ATP7B: variants seen among roughly 807,000 people sequenced by gnomAD.
The protein encoded by ATP7B is copper-transporting ATPase 2.
Under a neutral mutation model 118.9 loss-of-function variants are expected in ATP7B, and 113 were observed. The observed-to-expected ratio is 0.95, with a 90% CI of 0.82 to 1.11. The LOEUF (loss-of-function observed/expected upper bound fraction) is 1.11. Ranked by LOEUF, ATP7B falls within the 50% of genes most tolerant of loss-of-function variation. ATP7B has a pLI of 0.00. For missense variants in ATP7B, 1,867 were observed against 1,871.4 expected (o/e 1.00, Z 0.04); for synonymous variants, 777 against 727.4 (o/e 1.07, Z -1.10).
At chr13:52,006,184 G>A (rs755659776) in intron 1 of ATP7B, among the ~76,000 whole-genome samples, 46 of 152,090 alleles carry the variant, frequency 3.0e-4, no homozygotes, top group Non-Finnish European at 4.9e-4. Flanking sequence ...TAAATTCGTG[G>A]GTAAATCTTT....
chr13:51,945,226 G>T (rs1299306591), intron 13 of ATP7B, among the ~76,000 whole-genome samples: 1 of 152,154 alleles, frequency 6.6e-6, no homozygotes, highest in Non-Finnish European at 1.5e-5. Flanking sequence ...TGGCTTCTAG[G>T]CTAACGTTCA....
rs1005310173 is a variant in ATP7B, at chr13:51,974,879, T to C, written c.341A>G (p.His114Arg). 1.9e-6 allele frequency: 3 copies of C among 1,614,132 alleles called. No homozygotes were observed. The highest frequency in any genetic ancestry group is 1.6e-4 in the Middle Eastern group (1 of 6,084). The part of the protein sequence containing the change: ...PSVVCLQQVC[H>R]QIGDMGFEAS... ...CTCGAAGCCCATGTCCCCAATTTGATGGCAAACCTGTTGCAGGCACACAAC... is the reference window on the plus strand; with the variant it reads ...CTCGAAGCCCATGTCCCCAATTTGACGGCAAACCTGTTGCAGGCACACAAC... The change falls in exon 2 of 21, where the codon CAT becomes CGT. Residue 114 changes from histidine (H) to arginine (R), a missense_variant. His to Arg is a conservative substitution (Grantham distance 29). Transcript: ENST00000242839.
At chr13:51,951,634 T>C (rs1958014622) in intron 9 of ATP7B, among the ~76,000 whole-genome samples, 1 of 151,944 alleles carries the variant, frequency 6.6e-6, no homozygotes, top group South Asian at 2.1e-4. Context: ...CACTCCACTA[T>C]CTGAAAGCTG....
intron 5 of ATP7B, among the ~76,000 whole-genome samples, chr13:51,962,432 T>C (rs1029600921): frequency 2.6e-5 from 4 of 152,212 alleles, no homozygotes; most frequent in African/African-American, 9.6e-5. Context: ...GCTCACAGTT[T>C]AACTCAAGCG....
chr13:51,967,591 C>A (rs1951626456), intron 4 of ATP7B, among the ~76,000 whole-genome samples: 1 of 152,224 alleles, frequency 6.6e-6, no homozygotes, highest in Admixed American at 6.5e-5. Flanking sequence ...CCTACCACAG[C>A]AAAGGGTTTG....
At chr13:51,959,230 T>C (rs151190034) in intron 7 of ATP7B, 1 of 153,130 alleles carries the variant, frequency 6.5e-6, no homozygotes, top group East Asian at 1.9e-4. Context: ...AAACAAAATA[T>C]AGAAAAACAC....
intron 1 of ATP7B, among the ~76,000 whole-genome samples, chr13:51,977,231 A>AT (rs56182396): frequency 0.96 from 141,935 of 147,174 alleles, 68,482 homozygotes; most frequent in East Asian, 1. Context: ...TAAACGTTTA[A>AT]TTTTTTTTTT....
At chr13:51,966,953 A>G in intron 4 of ATP7B, 1 of 1,613,446 alleles carries the variant, frequency 6.2e-7, no homozygotes, top group African/African-American at 1.3e-5. Flanking sequence ...ACCCTGGGAG[A>G]TGAGTTTGAA....
At chr13:52,011,612 G>A (rs552061461), upstream of ATP7B, 38 of 572,006 alleles carry the variant, frequency 6.6e-5, no homozygotes, top group African/African-American at 6.2e-4. Flanking sequence ...GGGGAGAGTG[G>A]GCCTCGGACC....
Position 51,974,164 on chromosome 13 carries a change from G to A in ATP7B, c.1056C>T (p.Asn352=). 1 of 1,614,086 alleles carries A rather than the reference G, an allele frequency of 6.2e-7. No homozygotes were observed. Among genetic ancestry groups the A allele is most frequent in the African/African-American group, 1.3e-5 (1 of 75,004 alleles). The change falls in exon 2 of 21, where the codon AAC becomes AAT. Residue 352 remains asparagine (N), a synonymous_variant. Transcript: ENST00000242839. ...TGGTACTGCATGTGCCCTGGACCTGGTTTCTCGGTGGGGAGCCAGGGGAAT... is the reference window on the plus strand; with the variant it reads ...TGGTACTGCATGTGCCCTGGACCTGATTTCTCGGTGGGGAGCCAGGGGAAT... ...SSHSPGSPPR[N]QVQGTCSTTL... is the part of the protein sequence containing the mutation.
intron 9 of ATP7B, among the ~76,000 whole-genome samples, chr13:51,953,868 A>AAAAAAAAAAAAAAC (rs1461098056): frequency 4.7e-5 from 7 of 148,304 alleles, no homozygotes; most frequent in African/African-American, 1.3e-4. Flanking sequence ...AAAAAAAAAA[A>AAAAAAAAAAAAAAC]CCAGAAAATT....
rs150335276 is a variant in ATP7B at position 51,972,351 on chromosome 13, T to G, written c.1285+1584A>C. Among the ~76,000 whole-genome samples the G allele has an allele frequency of 4.5e-3, 687 of 152,176 alleles. 1 individual carries two copies. The highest frequency in any genetic ancestry group is 7.1e-3 in the Non-Finnish European group (482 of 68,008). On this transcript the variant is annotated intron_variant, in intron 2 of 20. Transcript: ENST00000242839. Reference sequence around the variant, plus strand: ...AGGGTGACTAGGAGACCCCTCCTCCTCCCTCTAATTCTTTCCCATCTCACA... The same window carrying G: ...AGGGTGACTAGGAGACCCCTCCTCCGCCCTCTAATTCTTTCCCATCTCACA...
intron 13 of ATP7B, among the ~76,000 whole-genome samples, 186 bp downstream of exon 13, chr13:51,946,098 C>T (rs147985671): frequency 2.0e-5 from 3 of 152,326 alleles, no homozygotes; most frequent in East Asian, 1.9e-4. Flanking sequence ...GTTGATAAAG[C>T]GTTCCATTAT....
At chr13:51,972,248 G>A (rs909269257) in intron 2 of ATP7B, among the ~76,000 whole-genome samples, 8 of 152,126 alleles carry the variant, frequency 5.3e-5, no homozygotes, top group Admixed American at 6.5e-5. Flanking sequence ...AGCAGCTGCC[G>A]AGGCCTCCAA....
Position 51,932,988 on chromosome 13 carries a change from C to T in ATP7B, c.*1768G>A, listed in dbSNP as rs1247828107. 6.6e-6 allele frequency: 1 copy of T among 152,034 alleles called. No individual in the cohort carries two copies. Among genetic ancestry groups the T allele is most frequent in the Non-Finnish European group, 1.5e-5 (1 of 68,004 alleles). 9.4% of individuals were successfully genotyped at this position (152,034 alleles called of 1,614,324 possible). ...CGGGCTGGAGTGGGGGGGCTGAAAA[C>T]AAGGAAAACACAATCAACAGCGCGC... On this transcript the variant is annotated 3_prime_UTR_variant, in exon 21 of 21. Coordinates refer to ENST00000242839, the MANE Select transcript of ATP7B (RefSeq NM_000053.4).
intron 9 of ATP7B, among the ~76,000 whole-genome samples, chr13:51,951,539 T>C (rs142584020): frequency 1.2e-3 from 184 of 152,162 alleles, no homozygotes; most frequent in African/African-American, 4.0e-3. Context: ...CACATGTAGA[T>C]AGCATTTAAA....
At chr13:52,003,037 C>G (rs968780712) in intron 1 of ATP7B, among the ~76,000 whole-genome samples, 2 of 152,176 alleles carry the variant, frequency 1.3e-5, no homozygotes, top group Non-Finnish European at 2.9e-5. Flanking sequence ...GTTCAAATCA[C>G]TAAAACTTTC....
chr13:51,960,174 A>T lies in ATP7B; in HGVS notation c.2095T>A (p.Phe699Ile), dbSNP rs749972036. 6 of 1,613,916 alleles carry T rather than the reference A, an allele frequency of 3.7e-6. No individual in the cohort carries two copies. The highest frequency in any genetic ancestry group is 1.3e-5 in the African/African-American group (1 of 74,942). ...TGGACAAAGGTACACAAGATAAAGA[A>T]GATGAGATTTAGAATGGACAGTCCT... is the stretch of plus-strand genomic sequence containing the variant. ...IPGLSILNLI[F>I]FILCTFVQLL... is the part of the protein sequence containing the mutation. The change falls in exon 7 of 21, where the codon TTC (phenylalanine) becomes ATC (isoleucine). Residue 699 changes from phenylalanine to isoleucine, a missense_variant. Coordinates refer to ENST00000242839, the MANE Select transcript of ATP7B (RefSeq NM_000053.4).
chr13:52,000,009 G>A (rs1953413512), intron 1 of ATP7B, among the ~76,000 whole-genome samples: 1 of 152,006 alleles, frequency 6.6e-6, no homozygotes, highest in South Asian at 2.1e-4. Context: ...CCCACCAACA[G>A]CTCCTACTCA....
Sources: gnomAD v4.1 joint callset for allele counts (sites outside exome capture counted in the v4.1 genomes callset) on GRCh38, gnomAD v4.1.1 for gene constraint, MANE v1.5 for transcripts, NCBI Gene and HGNC (gene_info 2026-07-23, HGNC 2026-07-21) for gene names.